The following PLAA variants were observed in gnomAD, a reference collection of about 807,000 sequenced individuals.
The protein encoded by PLAA is phospholipase A-2-activating protein.
Under a neutral mutation model 84.1 loss-of-function variants are expected in PLAA, and 48 were observed. The ratio of observed to expected loss-of-function variants is 0.57; its 90% confidence interval spans 0.45 to 0.73. PLAA has a LOEUF of 0.73. PLAA is among the 30% of genes least tolerant of loss of function. PLAA has a pLI of 0.00. For synonymous variants in PLAA, 392 were observed against 336.6 expected (o/e 1.16, Z -1.80); for missense variants, 903 against 954.7 (o/e 0.95, Z 0.71).
At chr9:26,924,809 C>G (rs2131390119) in intron 6 of PLAA, among the ~76,000 whole-genome samples, 1 of 152,262 alleles carries the variant, frequency 6.6e-6, no homozygotes, top group South Asian at 2.1e-4. Flanking sequence ...TATTTCTTCC[C>G]TCAGAGAATG....
chr9:26,913,831 C>T (rs80262754), intron 11 of PLAA, 48 bp downstream of exon 11: 60,488 of 1,350,028 alleles, frequency 0.045, 1,814 homozygotes, highest in African/African-American at 0.13. Context: ...AAAGTTCCAA[C>T]GAATTTTTAA....
intron 10 of PLAA, chr9:26,916,062 T>C (rs764609094): frequency 1.0e-6 from 1 of 985,328 alleles, no homozygotes. Flanking sequence ...ATTTACTTGT[T>C]ATCAATGCAC....
In PLAA at chr9:26,903,527, TTTCTC is replaced by T. The variant is rs1824143129; in HGVS notation, c.*1979_*1983del. On this transcript the variant is annotated 3_prime_UTR_variant, in exon 14 of 14. Transcript: ENST00000397292. ...TATGCCACAAGATGTTAAGAATAGT[TTTCTC>T]TAGATAGTGGCCTTACAGGCAATTT... 6.6e-6 allele frequency among the ~76,000 whole-genome samples: 1 copy of T among 152,216 alleles called. No individual in the cohort carries two copies. Among genetic ancestry groups the T allele is most frequent in the Non-Finnish European group, 1.5e-5 (1 of 68,026 alleles).
At chr9:26,933,384 T>C (rs984222527) in intron 2 of PLAA, among the ~76,000 whole-genome samples, 2 of 150,206 alleles carry the variant, frequency 1.3e-5, no homozygotes, top group African/African-American at 4.9e-5. Flanking sequence ...GCAGAGGCTA[T>C]AGTGAGCCGA....
intron 1 of PLAA, among the ~76,000 whole-genome samples, chr9:26,939,164 G>C (rs964205141): frequency 6.6e-6 from 1 of 152,070 alleles, no homozygotes; most frequent in Non-Finnish European, 1.5e-5. Flanking sequence ...TGAGGCCGGC[G>C]GATCACAAGG....
At position 26,935,021 on chromosome 9, in the gene PLAA, T is replaced by C. The variant is rs1398321204; in HGVS notation, c.335A>G (p.Lys112Arg). 4.4e-6 allele frequency: 7 copies of C among 1,588,348 alleles called. No homozygotes were observed. The highest frequency in any genetic ancestry group is 1.4e-5 in the African/African-American group (1 of 73,624). The part of the protein sequence containing the change: ...PMPLYILKGH[K>R]NTVCSLSSGK... ...AGCATTATTATACTCACCAGTATTT[T>C]TGTGGCCTTTTAGAATATAAAGTGG... Residue 112 changes from lysine (K) to arginine (R), a missense_variant, in exon 2 of 14, where the codon AAA becomes AGA. By Grantham distance (26) the Lys-to-Arg change is conservative (BLOSUM62 2). Transcript: ENST00000397292.
intron 1 of PLAA, among the ~76,000 whole-genome samples, chr9:26,936,730 T>C (rs917773118): frequency 6.6e-6 from 1 of 152,158 alleles, no homozygotes; most frequent in Non-Finnish European, 1.5e-5. Context: ...TGATCACTGA[T>C]TGCTGCTTTG....
intron 1 of PLAA, among the ~76,000 whole-genome samples, chr9:26,938,059 C>T (rs1825415655): frequency 6.6e-6 from 1 of 151,968 alleles, no homozygotes. Context: ...TCAACAAACT[C>T]CAAGAAGATA....
intron 9 of PLAA, among the ~76,000 whole-genome samples, chr9:26,918,611 GAGCACT>G (rs1265138826): frequency 6.6e-6 from 1 of 152,142 alleles, no homozygotes; most frequent in Non-Finnish European, 1.5e-5. Flanking sequence ...AAACAAGGAA[GAGCACT>G]AGCACCTGAA....
intron 9 of PLAA, 66 bp from the exon 10 acceptor site, chr9:26,917,231 T>C: frequency 7.8e-7 from 1 of 1,284,884 alleles, no homozygotes; most frequent in Non-Finnish European, 1.1e-6. Flanking sequence ...AACAGCACAA[T>C]GCTTGTTTTA....
rs144569558 is a variant in PLAA at position 26,918,363 on chromosome 9, T to C, written c.1417+947A>G. On this transcript the variant is annotated intron_variant, in intron 9 of 13. Transcript: ENST00000397292. The stretch of plus-strand genomic sequence containing the variant: ...CAGACTGGTCTTGAACTCCTGACCT[T>C]GTGATCTGCCTGCCTTGGCCTCCCA... 3.6e-3 allele frequency among the ~76,000 whole-genome samples: 538 copies of C among 150,982 alleles called. 3 individuals are homozygous for C. The highest frequency in any genetic ancestry group is 0.013 in the African/African-American group (515 of 41,064).
At chr9:26,921,974 G>A (rs921690915) in intron 7 of PLAA, among the ~76,000 whole-genome samples, 6 of 152,004 alleles carry the variant, frequency 3.9e-5, no homozygotes, top group Non-Finnish European at 5.9e-5. Context: ...TTTCCTTGAC[G>A]GAACATGCTC....
At chr9:26,923,617 G>A (rs1824844230) in intron 6 of PLAA, among the ~76,000 whole-genome samples, 1 of 152,146 alleles carries the variant, frequency 6.6e-6, no homozygotes, top group Non-Finnish European at 1.5e-5. Context: ...AGAATCTAGA[G>A]CTATAGTATG....
At chr9:26,923,379 C>A in intron 6 of PLAA, 32 bp from the exon 7 acceptor site, 1 of 1,489,148 alleles carries the variant, frequency 6.7e-7, no homozygotes, top group Non-Finnish European at 9.3e-7. Flanking sequence ...TTTTAGAAGT[C>A]ATTGCCATAA....
At chr9:26,912,411 G>T (rs564979416) in intron 11 of PLAA, among the ~76,000 whole-genome samples, 7 of 152,324 alleles carry the variant, frequency 4.6e-5, no homozygotes, top group Non-Finnish European at 2.9e-5. Flanking sequence ...GGAAGCCACT[G>T]AAGAGTTTTT....
rs572855238 is a variant in PLAA, at chr9:26,918,637, G to C, written c.1417+673C>G. 2.0e-5 allele frequency among the ~76,000 whole-genome samples: 3 copies of C among 152,198 alleles called. No individual in the cohort carries two copies. In the East Asian group the frequency reaches 5.8e-4, roughly 29 times the overall value. ...AGCACTAGCACCTGAAAAATGTTGA[G>C]TCAGAAATGATGAGAGGAAAACATT... On this transcript the variant is annotated intron_variant, in intron 9 of 13. Transcript: ENST00000397292.
chr9:26,920,130 T>A, intron 8 of PLAA, 97 bp downstream of exon 8: 1 of 981,266 alleles, frequency 1.0e-6, no homozygotes, highest in Admixed American at 2.3e-5. Context: ...TTTTTAAATG[T>A]CAAAACAAAG....
At position 26,938,669 on chromosome 9, in the gene PLAA, T is replaced by C. The variant is rs188943192; in HGVS notation, c.150-3463A>G. Among the ~76,000 whole-genome samples the C allele has an allele frequency of 1.3e-3, 198 of 152,020 alleles. 1 individual carries two copies. The highest frequency in any genetic ancestry group is 3.7e-3 in the Admixed American group (56 of 15,274). On this transcript the variant is annotated intron_variant, in intron 1 of 13. Coordinates refer to ENST00000397292, the MANE Select transcript of PLAA (RefSeq NM_001031689.3). ...TGAAATGAAAACACACTAGACAGAC[T>C]TGAAGCAATATGAAGAAATAAAGAT...
Position 26,919,527 on chromosome 9 carries a change from T to C in PLAA, c.1200A>G (p.Glu400=), listed in dbSNP as rs775748434. ...CATCAATTGAGAAAACATAATCAAA[T>C]TCCTAAAGTAGGAATATAAAAAGGA... ...TSGKVLYEGK[E]FDYVFSIDVN... The change falls in exon 9 of 14, where the codon GAA becomes GAG. Residue 400 remains glutamate, a splice_region_variant and synonymous_variant. Transcript: ENST00000397292. 5 of 1,551,416 alleles carry C rather than the reference T, an allele frequency of 3.2e-6. No individual in the cohort carries two copies. Among genetic ancestry groups the C allele is most frequent in the Middle Eastern group, 1.9e-4 (1 of 5,280 alleles).
Sources: allele counts gnomAD v4.1 joint callset (sites outside exome capture counted in the v4.1 genomes callset), GRCh38; gene constraint gnomAD v4.1.1; transcripts MANE v1.5; gene names NCBI Gene and HGNC (gene_info 2026-07-23, HGNC 2026-07-21).